PTPRK: variants seen among roughly 807,000 people sequenced by gnomAD.
PTPRK encodes receptor-type tyrosine-protein phosphatase kappa.
In PTPRK, 75 loss-of-function variants were observed where a neutral mutation model predicts 178.0. That is an observed-to-expected ratio of 0.42 (90% confidence interval 0.35 to 0.51). The LOEUF (loss-of-function observed/expected upper bound fraction) is 0.51. Among genes scored for constraint, PTPRK ranks in the 20% least tolerant of loss-of-function variants. PTPRK has a pLI of 0.02. For missense variants in PTPRK, 1,441 were observed against 1,797.8 expected, an observed-to-expected ratio of 0.80 and a Z score of 3.59; for synonymous variants, 637 against 620.6, an observed-to-expected ratio of 1.03 and a Z score of -0.39.
At position 127,998,837 on chromosome 6, in the gene PTPRK, C is replaced by A. The variant is rs141454620; in HGVS notation, c.2562G>T (p.Gly854=). The change falls in exon 16 of 30, where the codon GGG becomes GGT. Residue 854 remains glycine (G), a synonymous_variant. Transcript: ENST00000368226. The stretch of plus-strand genomic sequence containing the variant: ...GTCCTGTCTGGTAAGGGGATTCCGT[C>A]CCCTCACAGAGGTAGCGAGGTACGT... ...LLDVPRYLCE[G]TESPYQTGQL... 3.1e-6 allele frequency: 5 copies of A among 1,609,026 alleles called. No homozygotes were observed. The South Asian group carries it at 4.4e-5, about 14-fold the overall frequency.
At chr6:128,308,091 G>GA (rs777072020) in intron 3 of PTPRK, among the ~76,000 whole-genome samples, 6 of 150,904 alleles carry the variant, frequency 4.0e-5, no homozygotes, top group Non-Finnish European at 7.4e-5. Context: ...ATACAACACT[G>GA]AAAAAAATGA....
At chr6:128,290,205 A>G (rs1220266285) in intron 3 of PTPRK, among the ~76,000 whole-genome samples, 1 of 152,104 alleles carries the variant, frequency 6.6e-6, no homozygotes, top group Non-Finnish European at 1.5e-5. Context: ...AGTGCTTTTG[A>G]GGGTAGATTT....
At chr6:128,407,633 C>CAAAAAAAAAAAAAAAAAAA (rs56189580) in intron 1 of PTPRK, among the ~76,000 whole-genome samples, 3 of 97,772 alleles carry the variant, frequency 3.1e-5, no homozygotes, top group Non-Finnish European at 5.8e-5. Context: ...AAGACCCTAT[C>CAAAAAAAAAAAAAAAAAAA]AAAAAAAAAA....
chr6:128,443,671 C>G (rs909786695), intron 1 of PTPRK, among the ~76,000 whole-genome samples: 4 of 152,090 alleles, frequency 2.6e-5, no homozygotes, highest in African/African-American at 9.7e-5. Context: ...TTATGACTCC[C>G]AGGTTTCTGA....
chr6:128,098,661 A>G (rs1486093759), intron 7 of PTPRK, among the ~76,000 whole-genome samples: 2 of 152,126 alleles, frequency 1.3e-5, no homozygotes, highest in African/African-American at 2.4e-5. Context: ...ATTATTTCTA[A>G]TATCTTCATT....
At chr6:128,167,050 T>C (rs72983962) in intron 7 of PTPRK, among the ~76,000 whole-genome samples, 7,097 of 151,484 alleles carry the variant, frequency 0.047, 275 homozygotes, top group Non-Finnish European at 0.065. Context: ...CTAAAAATGA[T>C]AGAAACAAAA....
chr6:128,409,487 G>T (rs1317466258), intron 1 of PTPRK, among the ~76,000 whole-genome samples: 2 of 152,140 alleles, frequency 1.3e-5, no homozygotes, highest in Non-Finnish European at 2.9e-5. Context: ...CTTGAACTAT[G>T]ACTGTGACTA....
chr6:128,367,144 T>C (rs1404408605), intron 2 of PTPRK, among the ~76,000 whole-genome samples: 1 of 152,244 alleles, frequency 6.6e-6, no homozygotes, highest in East Asian at 1.9e-4. Context: ...TCTGTTGACT[T>C]TTCTAACCCC....
intron 1 of PTPRK, among the ~76,000 whole-genome samples, chr6:128,439,133 G>C (rs1845977335): frequency 6.6e-6 from 1 of 152,112 alleles, no homozygotes; most frequent in African/African-American, 2.4e-5. Flanking sequence ...ATGGTCATAA[G>C]TTCTTTATTA....
In PTPRK at chr6:128,520,432, G is replaced by A; in HGVS notation, c.-74C>T. On this transcript the variant is annotated 5_prime_UTR_variant, in exon 1 of 30. Transcript: ENST00000368226. ...GGATCGCCGCGAAATCCACGACGGA[G>A]GAGCGGGCCGGGCCTCGCGGGGTGA... 2 of 1,432,134 alleles carry A rather than the reference G, an allele frequency of 1.4e-6. No individual in the cohort carries two copies. The highest frequency in any genetic ancestry group is 1.2e-5 in the South Asian group (1 of 81,028). The allele number at this position is 1,432,134 out of a possible 1,614,324, so 88.7% of individuals were successfully genotyped here. A position where few individuals can be genotyped will look rare whatever the true frequency, so the allele number is the denominator to read the frequency against.
At chr6:128,360,234 T>C (rs955203099) in intron 2 of PTPRK, among the ~76,000 whole-genome samples, 7 of 152,176 alleles carry the variant, frequency 4.6e-5, no homozygotes, top group African/African-American at 1.7e-4. Context: ...ACTCCTCCTA[T>C]TTCCCGGGAC....
At chr6:128,360,415 T>C (rs1265226180) in intron 2 of PTPRK, among the ~76,000 whole-genome samples, 2 of 152,194 alleles carry the variant, frequency 1.3e-5, no homozygotes, top group Non-Finnish European at 2.9e-5. Context: ...CCTACTCAAC[T>C]CCATCTCTTT....
chr6:128,067,463 T>C, intron 12 of PTPRK, 56 bp downstream of exon 12: 1 of 1,443,352 alleles, frequency 6.9e-7, no homozygotes, highest in East Asian at 2.3e-5. Flanking sequence ...ATTCATAAAA[T>C]TTGACTTCAG....
chr6:128,511,975 GA>G (rs200798349), intron 1 of PTPRK, among the ~76,000 whole-genome samples: 277 of 152,214 alleles, frequency 1.8e-3, no homozygotes, highest in African/African-American at 6.4e-3. Flanking sequence ...ATTGCTTTAG[GA>G]AAAGCTCTCT....
At chr6:128,314,022 T>C (rs1007368237) in intron 3 of PTPRK, among the ~76,000 whole-genome samples, 7 of 152,070 alleles carry the variant, frequency 4.6e-5, no homozygotes, top group African/African-American at 1.4e-4. Context: ...TCTGTCTCTG[T>C]CCCTCTGCAA....
At chr6:128,081,403 A>T (rs2114995905) in intron 10 of PTPRK, among the ~76,000 whole-genome samples, 1 of 152,170 alleles carries the variant, frequency 6.6e-6, no homozygotes, top group Middle Eastern at 3.4e-3. Context: ...TTCATGATAC[A>T]AATTTTTAAA....
intron 6 of PTPRK, among the ~76,000 whole-genome samples, chr6:128,210,482 T>C (rs1036914712): frequency 2.6e-4 from 39 of 151,488 alleles, no homozygotes; most frequent in Middle Eastern, 3.4e-3. Context: ...AGAAGAAAGC[T>C]GAAAGGAATA....
chr6:128,477,844 T>C (rs1346781891), intron 1 of PTPRK, among the ~76,000 whole-genome samples: 1 of 152,138 alleles, frequency 6.6e-6, no homozygotes, highest in African/African-American at 2.4e-5. Context: ...CCGTCTTTTT[T>C]CATAGGACAG....
intron 1 of PTPRK, among the ~76,000 whole-genome samples, chr6:128,486,709 T>C (rs998347449): frequency 6.6e-6 from 1 of 151,266 alleles, no homozygotes; most frequent in African/African-American, 2.4e-5. Flanking sequence ...GAGGCTGAGG[T>C]GGAGGTGGCA....
Sources: allele counts gnomAD v4.1 joint callset (sites outside exome capture counted in the v4.1 genomes callset), GRCh38; gene constraint gnomAD v4.1.1; transcripts MANE v1.5; gene names NCBI Gene and HGNC (gene_info 2026-07-23, HGNC 2026-07-21).